Variants in TTC39C observed in about 807,000 individuals in gnomAD.
TTC39C encodes the protein tetratricopeptide repeat domain 39C.
TTC39C carries 33 observed loss-of-function variants against 76.3 expected under a neutral mutation model. That is an observed-to-expected ratio of 0.43 (90% CI 0.33 to 0.58). TTC39C has a LOEUF of 0.58. Ranked by LOEUF, TTC39C falls within the 20% of genes least tolerant of loss-of-function variation. The pLI is 0.04. For synonymous variants in TTC39C, 254 were observed against 260.6 expected (o/e 0.97, Z 0.24); for missense variants, 595 against 701.4 (o/e 0.85, Z 1.71).
intron 1 of TTC39C, among the ~76,000 whole-genome samples, chr18:24,008,929 C>T (rs2145633068): frequency 6.6e-6 from 1 of 152,292 alleles, no homozygotes; most frequent in Non-Finnish European, 1.5e-5. Context: ...GGACATCATC[C>T]TTAGCAAACT....
At chr18:24,001,457 T>G (rs1038736149) in intron 1 of TTC39C, 2 of 152,246 alleles carry the variant, frequency 1.3e-5, no homozygotes, top group Non-Finnish European at 2.9e-5. Context: ...GGTATAAAGT[T>G]TCACTGTCTC....
chr18:24,074,875 A>G (rs922007447), intron 4 of TTC39C, among the ~76,000 whole-genome samples: 2 of 152,200 alleles, frequency 1.3e-5, no homozygotes, highest in Non-Finnish European at 2.9e-5. Context: ...GGCACTATTC[A>G]CAATAGCAAA....
Position 24,118,219 on chromosome 18 carries a change from C to G in TTC39C, c.1173C>G (p.Ala391=). ...CCAGGTGGTCCCAGTGCTATTATGC[C>G]TACTTGACTGCAGGTGAGTCGCCCA... ...NESRWSQCYY[A]YLTAVCQGAT... The change falls in exon 8 of 14, where the codon GCC becomes GCG. Residue 391 remains alanine (A), a synonymous_variant. Transcript: ENST00000317571. 6.2e-7 allele frequency: 1 copy of G among 1,613,270 alleles called. No homozygotes were observed. The highest frequency in any genetic ancestry group is 1.3e-5 in the African/African-American group (1 of 74,982).
At chr18:24,062,134 A>G (rs2084109192) in intron 1 of TTC39C, among the ~76,000 whole-genome samples, 1 of 152,180 alleles carries the variant, frequency 6.6e-6, no homozygotes, top group Non-Finnish European at 1.5e-5. Flanking sequence ...TGGTAGGTGA[A>G]GTCGAAAGGG....
chr18:24,046,694 A>G (rs1026376712), intron 1 of TTC39C, among the ~76,000 whole-genome samples: 3 of 151,872 alleles, frequency 2.0e-5, no homozygotes, highest in African/African-American at 7.3e-5. Flanking sequence ...ATGTTTTTGC[A>G]TAGAAATTTT....
At chr18:24,020,420 CT>C (rs1017055493) in intron 1 of TTC39C, 3 of 552,960 alleles carry the variant, frequency 5.4e-6, no homozygotes, top group African/African-American at 4.1e-5. Flanking sequence ...ACAAGAAACA[CT>C]TGTACAAATA....
At chr18:24,001,821 C>CTTTTT (rs1568399948) in intron 1 of TTC39C, among the ~76,000 whole-genome samples, 10 of 33,560 alleles carry the variant, frequency 3.0e-4, no homozygotes, top group Non-Finnish European at 4.1e-4. Context: ...TACGGTAATT[C>CTTTTT]TGTTTTTTTT....
At chr18:24,031,148 G>A (rs545700563) in intron 1 of TTC39C, among the ~76,000 whole-genome samples, 25 of 143,842 alleles carry the variant, frequency 1.7e-4, no homozygotes, top group African/African-American at 5.2e-4. Flanking sequence ...AGTAGAGCTG[G>A]GGTTTCGCCA....
At chr18:24,020,359 G>GA (rs1217610671) in intron 1 of TTC39C, 6 of 959,682 alleles carry the variant, frequency 6.3e-6, no homozygotes, top group African/African-American at 5.3e-5. Context: ...AAATTATCAG[G>GA]AAAAAAATAC....
chr18:24,072,210 G>C (rs1232348546), intron 4 of TTC39C, among the ~76,000 whole-genome samples: 3 of 151,418 alleles, frequency 2.0e-5, no homozygotes, highest in Non-Finnish European at 4.4e-5. Flanking sequence ...CCCTTGGAGC[G>C]GGGCAGCACT....
intron 1 of TTC39C, chr18:24,019,842 C>T (rs2083497582): frequency 6.6e-7 from 1 of 1,523,020 alleles, no homozygotes. Flanking sequence ...AAAATATCTA[C>T]TCTCTGGCCT....
rs1408147332 is a variant in TTC39C at position 24,132,478 on chromosome 18, C to G, written c.1663-7C>G. 6.2e-7 allele frequency: 1 copy of G among 1,613,278 alleles called. No individual in the cohort carries two copies. The highest frequency in any genetic ancestry group is 8.5e-7 in the Non-Finnish European group (1 of 1,179,534). ...GAGTGCATAAATATCTTTCTTTGATCTTACAGGAGGATTTCTCTGGCTACG... is the reference window on the plus strand; with the variant it reads ...GAGTGCATAAATATCTTTCTTTGATGTTACAGGAGGATTTCTCTGGCTACG... On this transcript the variant is annotated splice_region_variant and splice_polypyrimidine_tract_variant and intron_variant, in intron 13 of 13. Coordinates refer to ENST00000317571, the MANE Select transcript of TTC39C (RefSeq NM_001135993.2).
chr18:24,028,196 A>C (rs1252366756), intron 1 of TTC39C, among the ~76,000 whole-genome samples: 4 of 152,188 alleles, frequency 2.6e-5, no homozygotes, highest in African/African-American at 9.7e-5. Context: ...TGGCTAAACT[A>C]CTTATAAACT....
chr18:24,081,646 T>A (rs1179952485), intron 5 of TTC39C, among the ~76,000 whole-genome samples: 2 of 152,218 alleles, frequency 1.3e-5, no homozygotes, highest in Admixed American at 1.3e-4. Context: ...CCCAAAAATG[T>A]TGATATCATA....
At chr18:24,008,224 A>G (rs1043191571) in intron 1 of TTC39C, among the ~76,000 whole-genome samples, 32 of 152,328 alleles carry the variant, frequency 2.1e-4, no homozygotes, top group African/African-American at 7.7e-4. Context: ...CATGCTCTCG[A>G]ATGTCCGAGG....
intron 6 of TTC39C, among the ~76,000 whole-genome samples, chr18:24,094,068 AACCTTAC>A (rs2084559934): frequency 6.6e-6 from 1 of 152,220 alleles, no homozygotes. Context: ...AATTCTCTCA[AACCTTAC>A]CACTGCCTTA....
intron 1 of TTC39C, among the ~76,000 whole-genome samples, chr18:24,027,240 C>T (rs139981830): frequency 0.014 from 2,057 of 151,828 alleles, 35 homozygotes; most frequent in African/African-American, 0.046. Flanking sequence ...TGCAGTGACC[C>T]GAGATCGCGC....
intron 1 of TTC39C, among the ~76,000 whole-genome samples, chr18:24,004,796 G>C (rs1470974543): frequency 1.3e-5 from 2 of 151,918 alleles, no homozygotes; most frequent in East Asian, 1.9e-4. Flanking sequence ...ATATACTAAG[G>C]GTAACAAATC....
chr18:24,087,854 G>T (rs982517175), intron 6 of TTC39C, among the ~76,000 whole-genome samples: 1 of 152,090 alleles, frequency 6.6e-6, no homozygotes, highest in Admixed American at 6.6e-5. Flanking sequence ...GAGCCCATAC[G>T]TTGTGAATAT....
Sources: gnomAD v4.1 joint callset for allele counts (sites outside exome capture counted in the v4.1 genomes callset) on GRCh38, gnomAD v4.1.1 for gene constraint, MANE v1.5 for transcripts, NCBI Gene and HGNC (gene_info 2026-07-23, HGNC 2026-07-21) for gene names.